Variants in KCNT2 observed in about 807,000 individuals in gnomAD.
KCNT2 encodes the protein potassium sodium-activated channel subfamily T member 2, also known as potassium channel subfamily T member 2.
KCNT2 carries 67 observed loss-of-function variants against 153.8 expected under a neutral mutation model. The observed-to-expected ratio is 0.44, with a 90% CI of 0.36 to 0.53. The LOEUF (loss-of-function observed/expected upper bound fraction) is 0.53, where lower values mean the gene tolerates loss of function less well. Among genes scored for constraint, KCNT2 ranks in the 20% least tolerant of loss-of-function variants. KCNT2 has a pLI of 0.00. For synonymous variants in KCNT2, 500 were observed against 458.8 expected, an observed-to-expected ratio of 1.09 and a Z score of -1.15; for missense variants, 975 against 1,354.8, an observed-to-expected ratio of 0.72 and a Z score of 4.40.
intron 1 of KCNT2, among the ~76,000 whole-genome samples, chr1:196,545,952 G>C (rs905047875): frequency 6.6e-6 from 1 of 151,646 alleles, no homozygotes; most frequent in Non-Finnish European, 1.5e-5. Context: ...TTCTACTTTT[G>C]GGCTATTATG....
chr1:196,231,321 T>G (rs1653933193), intron 27 of KCNT2, among the ~76,000 whole-genome samples: 1 of 151,940 alleles, frequency 6.6e-6, no homozygotes, highest in Non-Finnish European at 1.5e-5. Context: ...GATTGCAATA[T>G]TCACTCTATT....
chr1:196,547,893 GA>G (rs1356180977), intron 1 of KCNT2, among the ~76,000 whole-genome samples: 1 of 151,566 alleles, frequency 6.6e-6, no homozygotes, highest in South Asian at 2.1e-4. Flanking sequence ...GTAACATCCA[GA>G]AAAAAACTAT....
At chr1:196,374,446 T>G (rs910675505) in intron 13 of KCNT2, among the ~76,000 whole-genome samples, 1 of 151,874 alleles carries the variant, frequency 6.6e-6, no homozygotes, top group Non-Finnish European at 1.5e-5. Flanking sequence ...CTCTTTCACA[T>G]TTTATGGAAG....
At chr1:196,369,851 T>C (rs1406417499) in intron 14 of KCNT2, among the ~76,000 whole-genome samples, 1 of 152,134 alleles carries the variant, frequency 6.6e-6, no homozygotes, top group Non-Finnish European at 1.5e-5. Context: ...AGTAATGGGA[T>C]GGCTGGGTCA....
chr1:196,480,855 C>CAAAAAAAAAA (rs372270510), intron 4 of KCNT2, among the ~76,000 whole-genome samples: 2 of 26,896 alleles, frequency 7.4e-5, no homozygotes, highest in South Asian at 2.5e-3. Flanking sequence ...GACTTCGTCT[C>CAAAAAAAAAA]AAAAAAAAAA....
chr1:196,240,860 A>G (rs983212466), intron 26 of KCNT2, among the ~76,000 whole-genome samples: 1 of 152,012 alleles, frequency 6.6e-6, no homozygotes, highest in Admixed American at 6.6e-5. Flanking sequence ...TAAATATATC[A>G]CTTTGATTGC....
At chr1:196,445,549 T>C (rs1050654099) in intron 8 of KCNT2, among the ~76,000 whole-genome samples, 1 of 151,452 alleles carries the variant, frequency 6.6e-6, no homozygotes, top group East Asian at 1.9e-4. Context: ...TATTTTTATG[T>C]AACTACTTAT....
At chr1:196,348,787 A>C (rs2148199345) in intron 14 of KCNT2, among the ~76,000 whole-genome samples, 1 of 152,226 alleles carries the variant, frequency 6.6e-6, no homozygotes, top group Non-Finnish European at 1.5e-5. Flanking sequence ...ACACTTTGGG[A>C]GGCTGAGGAG....
intron 1 of KCNT2, among the ~76,000 whole-genome samples, chr1:196,498,130 A>C (rs1680400053): frequency 6.6e-6 from 1 of 151,968 alleles, no homozygotes; most frequent in Non-Finnish European, 1.5e-5. Context: ...TCAATGTAAA[A>C]TTTACCCGGA....
At chr1:196,542,552 CT>C (rs1656524276) in intron 1 of KCNT2, among the ~76,000 whole-genome samples, 1 of 152,084 alleles carries the variant, frequency 6.6e-6, no homozygotes. Context: ...TATAATCCCC[CT>C]TCTGAGTTCA....
intron 25 of KCNT2, among the ~76,000 whole-genome samples, chr1:196,270,085 T>C (rs1374034767): frequency 1.3e-5 from 2 of 152,044 alleles, no homozygotes; most frequent in East Asian, 3.9e-4. Context: ...TTTTTATCTT[T>C]TCTAAAGGTA....
intron 14 of KCNT2, among the ~76,000 whole-genome samples, chr1:196,357,098 T>C (rs986651276): frequency 6.6e-6 from 1 of 151,960 alleles, no homozygotes; most frequent in African/African-American, 2.4e-5. Context: ...TTTATTTCAA[T>C]ATTTATTTGT....
intron 8 of KCNT2, among the ~76,000 whole-genome samples, chr1:196,440,344 C>T (rs565488749): frequency 6.6e-6 from 1 of 151,932 alleles, no homozygotes; most frequent in Admixed American, 6.6e-5. Context: ...ATTCTGCAGT[C>T]AAATACATTT....
intron 16 of KCNT2, among the ~76,000 whole-genome samples, chr1:196,334,487 C>CTTTCTTTTT (rs1553288400): frequency 1.1e-5 from 1 of 87,264 alleles, no homozygotes; most frequent in African/African-American, 4.4e-5. Flanking sequence ...TTCTTTCTTT[C>CTTTCTTTTT]TTTTTTTTTT....
chr1:196,383,355 A>G (rs1023956877), intron 13 of KCNT2, among the ~76,000 whole-genome samples: 13 of 152,194 alleles, frequency 8.5e-5, no homozygotes, highest in African/African-American at 2.9e-4. Context: ...CAGTCCACTA[A>G]TTATGCATTT....
intron 13 of KCNT2, among the ~76,000 whole-genome samples, chr1:196,376,971 G>A (rs1426566837): frequency 6.6e-6 from 1 of 151,936 alleles, no homozygotes; most frequent in Non-Finnish European, 1.5e-5. Context: ...TGAAGATTTG[G>A]TAGGGACAAT....
intron 13 of KCNT2, among the ~76,000 whole-genome samples, chr1:196,390,743 A>T (rs1473419956): frequency 3.3e-5 from 5 of 151,468 alleles, no homozygotes; most frequent in Non-Finnish European, 4.4e-5. Flanking sequence ...ACACACATGG[A>T]TGCATACACA....
chr1:196,414,087 A>AT (rs1339883678), intron 12 of KCNT2, among the ~76,000 whole-genome samples: 5 of 151,568 alleles, frequency 3.3e-5, no homozygotes, highest in Admixed American at 6.6e-5. Context: ...TCATATATAT[A>AT]AAAAAAAGTT....
chr1:196,457,165 G>A (rs1222299168), intron 8 of KCNT2, among the ~76,000 whole-genome samples: 7 of 151,646 alleles, frequency 4.6e-5, no homozygotes. Context: ...AGACAATTTA[G>A]AAAATAACAG....
Sources: allele counts gnomAD v4.1 joint callset (sites outside exome capture counted in the v4.1 genomes callset), GRCh38; gene constraint gnomAD v4.1.1; transcripts MANE v1.5; gene names NCBI Gene and HGNC (gene_info 2026-07-23, HGNC 2026-07-21).